ADGRB3: variants seen among roughly 807,000 people sequenced by gnomAD.
ADGRB3 encodes the protein adhesion G protein-coupled receptor B3, also known as brain-specific angiogenesis inhibitor 3.
ADGRB3 carries 37 observed loss-of-function variants against 193.4 expected under a neutral mutation model. That is an observed-to-expected ratio of 0.19 (90% confidence interval 0.15 to 0.25). ADGRB3 has a LOEUF of 0.25. Ranked by LOEUF, ADGRB3 falls within the 10% of genes least tolerant of loss-of-function variation. The probability of loss-of-function intolerance (pLI) is 1.00; values close to 1 mark genes in which losing one functional copy is unlikely to be tolerated. For synonymous variants in ADGRB3, 690 were observed against 644.2 expected, an observed-to-expected ratio of 1.07 and a Z score of -1.08; for missense variants, 1,637 against 1,852.9, an observed-to-expected ratio of 0.88 and a Z score of 2.14.
At chr6:69,182,333 A>C (rs988157394) in intron 17 of ADGRB3, among the ~76,000 whole-genome samples, 4 of 152,072 alleles carry the variant, frequency 2.6e-5, no homozygotes, top group African/African-American at 9.7e-5. Context: ...TTACTCATGT[A>C]ATCAAACACC....
At chr6:69,024,079 A>G (rs186542729) in intron 13 of ADGRB3, among the ~76,000 whole-genome samples, 1 of 152,308 alleles carries the variant, frequency 6.6e-6, no homozygotes, top group Non-Finnish European at 1.5e-5. Context: ...GTGATAGTTG[A>G]AGTCATAAAA....
intron 8 of ADGRB3, among the ~76,000 whole-genome samples, chr6:68,957,832 C>A (rs2150257323): frequency 6.6e-6 from 1 of 152,204 alleles, no homozygotes; most frequent in Middle Eastern, 3.4e-3. Flanking sequence ...CACAGTACAA[C>A]ACTAAGAATA....
At chr6:69,016,718 A>T (rs1770102366) in intron 12 of ADGRB3, among the ~76,000 whole-genome samples, 1 of 151,894 alleles carries the variant, frequency 6.6e-6, no homozygotes, top group African/African-American at 2.4e-5. Context: ...AGCTTGTAGG[A>T]GACTATTTAG....
intron 17 of ADGRB3, among the ~76,000 whole-genome samples, chr6:69,078,046 T>C (rs1049149978): frequency 4.6e-5 from 7 of 152,024 alleles, no homozygotes; most frequent in Admixed American, 1.3e-4. Context: ...ATAGTTTTAT[T>C]GATGTAATCA....
At chr6:69,222,845 G>GT (rs1016007622) in intron 17 of ADGRB3, among the ~76,000 whole-genome samples, 1 of 152,078 alleles carries the variant, frequency 6.6e-6, no homozygotes, top group African/African-American at 2.4e-5. Context: ...GAATTCAATA[G>GT]TTTCAAATGA....
chr6:69,301,263 T>G (rs182437394), intron 20 of ADGRB3, among the ~76,000 whole-genome samples: 1 of 151,922 alleles, frequency 6.6e-6, no homozygotes. Context: ...TTATCAAAAC[T>G]TATGCATACA....
At chr6:69,197,212 T>C (rs1030087289) in intron 17 of ADGRB3, among the ~76,000 whole-genome samples, 1 of 152,212 alleles carries the variant, frequency 6.6e-6, no homozygotes, top group East Asian at 1.9e-4. Flanking sequence ...AGTCCCTGCT[T>C]TCATATTTAA....
At chr6:68,790,784 C>T (rs1340144827) in intron 3 of ADGRB3, among the ~76,000 whole-genome samples, 2 of 152,120 alleles carry the variant, frequency 1.3e-5, no homozygotes, top group African/African-American at 4.8e-5. Flanking sequence ...AAAAACCCAT[C>T]TGTACGTCAC....
chr6:69,178,153 T>C (rs1775479813), intron 17 of ADGRB3, among the ~76,000 whole-genome samples: 1 of 152,200 alleles, frequency 6.6e-6, no homozygotes, highest in Non-Finnish European at 1.5e-5. Flanking sequence ...TATGCATCTT[T>C]TGTTGAACTG....
intron 17 of ADGRB3, among the ~76,000 whole-genome samples, chr6:69,190,188 C>T (rs971459486): frequency 6.6e-5 from 10 of 151,990 alleles, no homozygotes; most frequent in African/African-American, 1.7e-4. Context: ...AAAGTAGCCT[C>T]GGGAAGTCAT....
At chr6:68,742,373 GT>G (rs1004450639) in intron 3 of ADGRB3, among the ~76,000 whole-genome samples, 130 of 149,346 alleles carry the variant, frequency 8.7e-4, no homozygotes, top group African/African-American at 3.0e-3. Flanking sequence ...AACTCTTATA[GT>G]TTTTTTTTTC....
chr6:68,683,162 T>C (rs1764926115), intron 3 of ADGRB3, among the ~76,000 whole-genome samples: 1 of 152,280 alleles, frequency 6.6e-6, no homozygotes, highest in Middle Eastern at 3.4e-3. Flanking sequence ...AATATACACA[T>C]TGCTGGAAAC....
chr6:69,270,573 T>C (rs1767151680), intron 20 of ADGRB3, among the ~76,000 whole-genome samples: 2 of 152,180 alleles, frequency 1.3e-5, no homozygotes, highest in Admixed American at 1.3e-4. Context: ...ATGAAGCTGA[T>C]TAAATACATT....
intron 17 of ADGRB3, among the ~76,000 whole-genome samples, chr6:69,122,084 G>A (rs1184626464): frequency 1.0e-5 from 1 of 96,214 alleles, no homozygotes; most frequent in Non-Finnish European, 2.3e-5. Context: ...TAGCACTTTG[G>A]GAGGCCAAGG....
intron 3 of ADGRB3, among the ~76,000 whole-genome samples, chr6:68,648,124 G>A (rs1768257993): frequency 6.6e-6 from 1 of 152,162 alleles, no homozygotes; most frequent in Non-Finnish European, 1.5e-5. Context: ...CTACACGGCT[G>A]TAAAAGTTTA....
intron 13 of ADGRB3, among the ~76,000 whole-genome samples, chr6:69,023,238 C>T (rs754911612): frequency 3.9e-5 from 6 of 152,088 alleles, no homozygotes; most frequent in African/African-American, 9.7e-5. Flanking sequence ...AAGAAAATTG[C>T]GGTCTAGTTG....
intron 17 of ADGRB3, among the ~76,000 whole-genome samples, chr6:69,185,637 A>G (rs1011781824): frequency 1.3e-5 from 2 of 152,124 alleles, no homozygotes; most frequent in African/African-American, 2.4e-5. Flanking sequence ...AGGAATACAC[A>G]TTGATCTTAT....
At chr6:69,078,477 G>T (rs1772296391) in intron 17 of ADGRB3, among the ~76,000 whole-genome samples, 1 of 151,920 alleles carries the variant, frequency 6.6e-6, no homozygotes, top group Admixed American at 6.6e-5. Context: ...CATATTGTAT[G>T]AACACTTGAC....
chr6:69,180,515 T>C (rs1302991435), intron 17 of ADGRB3, among the ~76,000 whole-genome samples: 1 of 152,170 alleles, frequency 6.6e-6, no homozygotes, highest in African/African-American at 2.4e-5. Flanking sequence ...GTTGAGTTAG[T>C]GCTCTGAATG....
Sources: allele counts gnomAD v4.1 joint callset (sites outside exome capture counted in the v4.1 genomes callset), GRCh38; gene constraint gnomAD v4.1.1; transcripts MANE v1.5; gene names NCBI Gene and HGNC (gene_info 2026-07-23, HGNC 2026-07-21).